A4GALT: variants seen among roughly 807,000 people sequenced by gnomAD.
The protein encoded by A4GALT is alpha 1,4-galactosyltransferase (P1PK blood group).
For synonymous variants in A4GALT, 257 were observed against 220.7 expected (o/e 1.16, Z -1.46); for missense variants, 512 against 486.0 (o/e 1.05, Z -0.50).
At chr22:42,696,251 T>C (rs1930925443) in intron 1 of A4GALT, among the ~76,000 whole-genome samples, 1 of 149,444 alleles carries the variant, frequency 6.7e-6, no homozygotes, top group South Asian at 2.1e-4. Context: ...AGAAACCCTG[T>C]CTCTACTAAA....
intron 1 of A4GALT, among the ~76,000 whole-genome samples, chr22:42,710,627 G>A (rs1438813626): frequency 1.3e-5 from 2 of 151,972 alleles, no homozygotes; most frequent in African/African-American, 4.8e-5. Context: ...AGCCCAGGAG[G>A]GGGAGGCTGC....
chr22:42,720,301 G>T (rs28908469), intron 1 of A4GALT, among the ~76,000 whole-genome samples: 51,960 of 151,888 alleles, frequency 0.34, 9,263 homozygotes, highest in East Asian at 0.68. Flanking sequence ...CGCCGACGCT[G>T]CCAGCCCGGC....
Position 42,692,579 on chromosome 22 carries a change from C to A in A4GALT, c.*311G>T, listed in dbSNP as rs1355125874. 1 of 516,230 alleles carries A rather than the reference C, an allele frequency of 1.9e-6. No individual in the cohort carries two copies. The highest frequency in any genetic ancestry group is 3.8e-6 in the Non-Finnish European group (1 of 266,638). 32.0% of individuals were successfully genotyped at this position (516,230 alleles called of 1,614,324 possible). A position where few individuals can be genotyped will look rare whatever the true frequency, so the allele number is the denominator to read the frequency against. On this transcript the variant is annotated 3_prime_UTR_variant, in exon 3 of 3. Coordinates refer to ENST00000642412, the MANE Select transcript of A4GALT (RefSeq NM_017436.7). The surrounding 1 kb of genome is among the most constrained non-coding windows in gnomAD (Gnocchi z 4.6). ...CTCGTGGGCACCTCTGTCCCAACTG[C>A]CTGGCTTTCCGCACCACCTGGGGGT... is the stretch of plus-strand genomic sequence containing the variant.
chr22:42,706,163 G>T lies in A4GALT; in HGVS notation c.-187-10532C>A, dbSNP rs560329701. 4.8e-5 allele frequency among the ~76,000 whole-genome samples: 6 copies of T among 124,906 alleles called. 1 individual carries two copies. The South Asian group carries it at 8.9e-4, about 18-fold the overall frequency. The allele number at this position is 124,906 out of a possible 152,430, so 81.9% of individuals were successfully genotyped here. On this transcript the variant is annotated intron_variant, in intron 1 of 2. Transcript: ENST00000642412. ...GAGGTCAGGAGATCGAGACCATCCT[G>T]GCTAACACGGTGAAACCCCGTCTCT... is the stretch of plus-strand genomic sequence containing the variant.
intron 1 of A4GALT, among the ~76,000 whole-genome samples, chr22:42,706,410 TTTTTAG>T (rs1921139508): frequency 7.1e-6 from 1 of 141,544 alleles, no homozygotes; most frequent in Non-Finnish European, 1.5e-5. Context: ...GAGAAAAAGA[TTTTTAG>T]ATTAGATTTC....
Position 42,692,620 on chromosome 22 carries a change from C to G in A4GALT, c.*270G>C, listed in dbSNP as rs1930519215. On this transcript the variant is annotated 3_prime_UTR_variant, in exon 3 of 3. Coordinates refer to ENST00000642412, the MANE Select transcript of A4GALT (RefSeq NM_017436.7). The surrounding 1 kb of genome is among the most constrained non-coding windows in gnomAD (Gnocchi z 4.6). ...ACCTGGGGGTGCCCTGAGGTTCATC[C>G]TTCCTGCCTGTTGTCTAGAAGGCCC... is the stretch of plus-strand genomic sequence containing the variant. 1 of 610,262 alleles carries G rather than the reference C, an allele frequency of 1.6e-6. No homozygotes were observed. Among genetic ancestry groups the G allele is most frequent in the Admixed American group, 2.1e-5 (1 of 46,888 alleles). 37.8% of individuals were successfully genotyped at this position (610,262 alleles called of 1,614,324 possible).
intron 2 of A4GALT, chr22:42,694,676 G>T (rs1336448124): frequency 1.3e-5 from 2 of 152,582 alleles, no homozygotes; most frequent in Admixed American, 1.3e-4. Flanking sequence ...TGCTCCTGGG[G>T]AAAAGACTGT....
intron 1 of A4GALT, among the ~76,000 whole-genome samples, chr22:42,711,613 A>G (rs1168231270): frequency 1.3e-5 from 2 of 152,122 alleles, no homozygotes; most frequent in Non-Finnish European, 2.9e-5. Context: ...TAAGTGCTCA[A>G]TACATATTTT....
chr22:42,710,690 C>A (rs973626995), intron 1 of A4GALT, among the ~76,000 whole-genome samples: 3 of 140,362 alleles, frequency 2.1e-5, no homozygotes, highest in Non-Finnish European at 4.6e-5. Context: ...GAGCAAGACT[C>A]CAGCTCGAAA....
chr22:42,699,598 G>T (rs1057246715), intron 1 of A4GALT, among the ~76,000 whole-genome samples: 1 of 152,164 alleles, frequency 6.6e-6, no homozygotes, highest in Non-Finnish European at 1.5e-5. Flanking sequence ...CTGAGTTCCT[G>T]TGAGGGCAAG....
At position 42,693,916 on chromosome 22, in the gene A4GALT, G is replaced by A. The variant is rs1211879486; in HGVS notation, c.36C>T (p.Leu12=). 3.1e-6 allele frequency: 5 copies of A among 1,604,988 alleles called. No individual in the cohort carries two copies. Among genetic ancestry groups the A allele is most frequent in the South Asian group, 1.1e-5 (1 of 89,528 alleles). The change falls in exon 3 of 3, where the codon CTC becomes CTT. Residue 12 remains leucine, a synonymous_variant. Coordinates refer to ENST00000642412, the MANE Select transcript of A4GALT (RefSeq NM_017436.7). The stretch of plus-strand genomic sequence containing the variant: ...AGACCCGCTGCCTTGGGGCGCCCCG[G>A]AGCAGCCGCAGCAGGAGGTCGGGGG... ...SKPPDLLLRL[L]RGAPRQRVCT... is the part of the protein sequence containing the mutation.
chr22:42,705,001 G>A (rs947634148), intron 1 of A4GALT, among the ~76,000 whole-genome samples: 2 of 152,302 alleles, frequency 1.3e-5, no homozygotes, highest in Non-Finnish European at 2.9e-5. Flanking sequence ...ACTCAGGGCT[G>A]GAGGCAAGTG....
At chr22:42,714,811 G>T (rs935340204) in intron 1 of A4GALT, among the ~76,000 whole-genome samples, 1 of 152,076 alleles carries the variant, frequency 6.6e-6, no homozygotes, top group Admixed American at 6.6e-5. Context: ...GGTAAAATGT[G>T]CCAAGAGAAA....
chr22:42,698,133 A>C (rs1931063520), intron 1 of A4GALT, among the ~76,000 whole-genome samples: 1 of 152,136 alleles, frequency 6.6e-6, no homozygotes, highest in African/African-American at 2.4e-5. Context: ...CTGTAGTCTC[A>C]GCTACTCAGG....
intron 1 of A4GALT, among the ~76,000 whole-genome samples, chr22:42,715,051 G>C (rs73886107): frequency 0.035 from 5,073 of 144,068 alleles, 316 homozygotes; most frequent in African/African-American, 0.12. Context: ...GGGTGGGGGG[G>C]TTCCAGGACA....
At chr22:42,703,232 C>T (rs982286247) in intron 1 of A4GALT, among the ~76,000 whole-genome samples, 58 of 142,960 alleles carry the variant, frequency 4.1e-4, no homozygotes, top group Non-Finnish European at 7.0e-4. Flanking sequence ...AAGTAGTGGG[C>T]TTTTTTTTTG....
At chr22:42,717,498 T>C (rs1922295756) in intron 1 of A4GALT, among the ~76,000 whole-genome samples, 1 of 152,112 alleles carries the variant, frequency 6.6e-6, no homozygotes, top group Non-Finnish European at 1.5e-5. Context: ...CCCTCCCTCT[T>C]GCCTCCTGTC....
chr22:42,707,392 A>G (rs1011067980), intron 1 of A4GALT, among the ~76,000 whole-genome samples: 1 of 152,108 alleles, frequency 6.6e-6, no homozygotes, highest in African/African-American at 2.4e-5. Flanking sequence ...ATGGTGGCTC[A>G]TGCCTGTAAT....
At chr22:42,704,781 G>A (rs1920965004) in intron 1 of A4GALT, among the ~76,000 whole-genome samples, 1 of 145,484 alleles carries the variant, frequency 6.9e-6, no homozygotes, top group South Asian at 2.2e-4. Flanking sequence ...AAAGACAAAT[G>A]AGAGAAACTA....
Sources: allele counts gnomAD v4.1 joint callset (sites outside exome capture counted in the v4.1 genomes callset), GRCh38; gene constraint gnomAD v4.1.1; non-coding constraint Gnocchi (gnomAD v3.1); transcripts MANE v1.5; gene names NCBI Gene and HGNC (gene_info 2026-07-23, HGNC 2026-07-21).